TRRAP: variants seen among roughly 807,000 people sequenced by gnomAD.
TRRAP encodes the protein transformation/transcription domain associated protein, also known as transformation/transcription domain-associated protein.
A neutral mutation model predicts 438.8 loss-of-function variants in TRRAP; 41 were observed. The observed-to-expected ratio is 0.09, with a 90% CI of 0.07 to 0.12. The LOEUF (loss-of-function observed/expected upper bound fraction) is 0.12. Ranked by LOEUF, TRRAP falls within the 10% of genes least tolerant of loss-of-function variation. The pLI is 1.00. For synonymous variants in TRRAP, 1,994 were observed against 1,962.9 expected (o/e 1.02, Z -0.42); for missense variants, 3,122 against 5,055.1 (o/e 0.62, Z 11.60).
At chr7:98,946,023 C>A in intron 33 of TRRAP, 73 bp downstream of exon 33, 2 of 1,347,512 alleles carry the variant, frequency 1.5e-6, no homozygotes, top group Non-Finnish European at 1.9e-6. Flanking sequence ...TTAGCTGTGT[C>A]GTGGTTCTGT....
intron 21 of TRRAP, 127 bp downstream of exon 21, chr7:98,922,080 C>T (rs1789822553): frequency 6.8e-6 from 9 of 1,328,466 alleles, no homozygotes; most frequent in Middle Eastern, 2.3e-4. Context: ...ATCAGGTGAT[C>T]GGCCTGGTTG....
chr7:98,976,043 G>A lies in TRRAP; in HGVS notation c.7840-106G>A. On this transcript the variant is annotated intron_variant, in intron 53 of 72. Coordinates refer to ENST00000456197, the MANE Select transcript of TRRAP (RefSeq NM_001375524.1). This position sits in a 1 kb window ranked among gnomAD's most constrained non-coding sequence, Gnocchi z 4.6. ...AGATCTTTGAAACTTTGAAAGTGGA[G>A]GAGCATCGGTAATGTATGAGACAGA... The A allele has an allele frequency of 7.3e-7, 1 of 1,363,790 alleles. No homozygotes were observed. Among genetic ancestry groups the A allele is most frequent in the South Asian group, 1.5e-5 (1 of 67,332 alleles). 84.5% of individuals were successfully genotyped at this position (1,363,790 alleles called of 1,614,324 possible).
chr7:98,961,874 C>T lies in TRRAP; in HGVS notation c.6703+400C>T, dbSNP rs192794730. ...GCCAGAGGTTGCGGTGAGCCGAGAT[C>T]GTGCCATTGCAATCCAGCCTGGGCA... On this transcript the variant is annotated intron_variant, in intron 46 of 72. Transcript: ENST00000456197. Among the ~76,000 whole-genome samples, 3 of 152,266 alleles carry T rather than the reference C, an allele frequency of 2.0e-5. No homozygotes were observed. In the East Asian group the frequency reaches 5.8e-4, roughly 29 times the overall value.
rs219837 is a variant in TRRAP at position 99,005,016 on chromosome 7, G to A, written c.10536-115G>A. On this transcript the variant is annotated intron_variant, in intron 68 of 72. Coordinates refer to ENST00000456197, the MANE Select transcript of TRRAP (RefSeq NM_001375524.1). This position sits in a 1 kb window ranked among gnomAD's most constrained non-coding sequence, Gnocchi z 5.1. Reference sequence around the variant, plus strand: ...GGTACAAATAAATTGATAAACGACCGCTGGCCTACACAGTCCGTTTTCCCG... The same window carrying A: ...GGTACAAATAAATTGATAAACGACCACTGGCCTACACAGTCCGTTTTCCCG... 41,478 of 978,580 alleles carry A rather than the reference G, an allele frequency of 0.042. 8,392 individuals carry two copies. In the African/African-American group the frequency reaches 0.51, roughly 12 times the overall value. The allele number at this position is 978,580 out of a possible 1,614,324, so 60.6% of individuals were successfully genotyped here. A position where few individuals can be genotyped will look rare whatever the true frequency, so the allele number is the denominator to read the frequency against.
chr7:98,970,117 T>G lies in TRRAP; in HGVS notation c.7518T>G (p.Leu2506=), dbSNP rs766126186. Residue 2506 remains leucine, a synonymous_variant, in exon 52 of 73, where the codon CTT becomes CTG. Coordinates refer to ENST00000456197, the MANE Select transcript of TRRAP (RefSeq NM_001375524.1). ...HFWIKQCIEL[L]LAVCEKSTPI... Reference sequence around the variant, plus strand: ...CCTTTCCGCACCCCTTGCAGCTGCTTCTGGCCGTGTGTGAGAAGAGCACCC... The same window carrying G: ...CCTTTCCGCACCCCTTGCAGCTGCTGCTGGCCGTGTGTGAGAAGAGCACCC... The G allele has an allele frequency of 1.2e-6, 2 of 1,613,768 alleles. No homozygotes were observed. Among genetic ancestry groups the G allele is most frequent in the Non-Finnish European group, 1.7e-6 (2 of 1,179,944 alleles).
intron 18 of TRRAP, among the ~76,000 whole-genome samples, chr7:98,912,520 C>G (rs1554408944): frequency 1.3e-5 from 2 of 151,912 alleles, no homozygotes; most frequent in African/African-American, 4.8e-5. Flanking sequence ...CCGTGTATGT[C>G]TAAGCAGTAA....
intron 8 of TRRAP, 120 bp from the exon 9 acceptor site, chr7:98,899,302 A>G (rs1796365669): frequency 1.3e-6 from 1 of 778,024 alleles, no homozygotes; most frequent in African/African-American, 1.7e-5. Flanking sequence ...AAATATTTAC[A>G]AAGAGGTGTC....
Position 98,945,959 on chromosome 7 carries a change from T to A in TRRAP, c.4548+9T>A. ...CCATGGAAGGGGTAGAGGTGAGAAC[T>A]TGAGCGGAGCTACAGGAGGGGGTTG... On this transcript the variant is annotated intron_variant, in intron 33 of 72. Coordinates refer to ENST00000456197, the MANE Select transcript of TRRAP (RefSeq NM_001375524.1). 6.9e-7 allele frequency: 1 copy of A among 1,458,682 alleles called. No homozygotes were observed. The allele number at this position is 1,458,682 out of a possible 1,614,324, so 90.4% of individuals were successfully genotyped here.
intron 14 of TRRAP, 89 bp downstream of exon 14, chr7:98,909,051 C>CTGT: frequency 8.4e-7 from 1 of 1,187,194 alleles, no homozygotes; most frequent in Non-Finnish European, 1.2e-6. Flanking sequence ...TGAGACAGAT[C>CTGT]CTTGTTCTGT....
At chr7:98,917,257 G>A (rs149096620) in intron 19 of TRRAP, among the ~76,000 whole-genome samples, 166 bp from the exon 20 acceptor site, 245 of 152,290 alleles carry the variant, frequency 1.6e-3, no homozygotes, top group African/African-American at 5.7e-3. Flanking sequence ...GGTCATGAGT[G>A]CAATTATTGG....
chr7:98,984,927 T>C lies in TRRAP; in HGVS notation c.9289-17T>C. On this transcript the variant is annotated splice_polypyrimidine_tract_variant and intron_variant, in intron 61 of 72. Transcript: ENST00000456197. The stretch of plus-strand genomic sequence containing the variant: ...GAAATTTCAAGAACTTTTTTTCTGC[T>C]CATTTTTTTTGAACAGGGCCTTGAA... 10 of 1,559,114 alleles carry C rather than the reference T, an allele frequency of 6.4e-6. No individual in the cohort carries two copies. The highest frequency in any genetic ancestry group is 7.9e-6 in the Non-Finnish European group (9 of 1,142,022).
At chr7:98,945,835 T>TG in intron 32 of TRRAP, 35 bp downstream of exon 32, 1 of 1,588,454 alleles carries the variant, frequency 6.3e-7, no homozygotes, top group Non-Finnish European at 8.5e-7. Flanking sequence ...GTTTCTGACT[T>TG]GCAATGTGAA....
In TRRAP at chr7:98,911,104, T is replaced by G. The variant is rs149478039; in HGVS notation, c.1840T>G (p.Tyr614Asp). The G allele has an allele frequency of 6.2e-6, 10 of 1,613,964 alleles. No homozygotes were observed. The highest frequency in any genetic ancestry group is 1.3e-5 in the African/African-American group (1 of 74,926). The change falls in exon 17 of 73, where the codon TAC becomes GAC. Residue 614 changes from tyrosine to aspartate, a missense_variant. Around this residue, in one of 24 missense-constraint regions of TRRAP, gnomAD observed 149 missense variants for 302.8 expected, o/e 0.49. Transcript: ENST00000456197. Reference protein sequence around the residue: ...QVQIAGNGQTYIRVANCQTVR... With the variant: ...QVQIAGNGQTDIRVANCQTVR... ...CCAGATAGCAGGAAATGGACAGACA[T>G]ACATCCGTGTGGCCAACTGCCAGAC...
At chr7:98,989,510 G>A (rs1232539644) in intron 63 of TRRAP, among the ~76,000 whole-genome samples, 2 of 152,222 alleles carry the variant, frequency 1.3e-5, no homozygotes, top group African/African-American at 4.8e-5. Context: ...ATAAAACCCA[G>A]AATTAATTCC....
intron 6 of TRRAP, 119 bp downstream of exon 6, chr7:98,894,000 C>T (rs570813041): frequency 1.0e-5 from 9 of 868,484 alleles, no homozygotes; most frequent in Non-Finnish European, 1.6e-5. Context: ...AGAAATACAG[C>T]CTAAGTTTGG....
At position 98,927,173 on chromosome 7, in the gene TRRAP, A is replaced by G. The variant is rs781867523; in HGVS notation, c.2982A>G (p.Thr994=). 1.1e-5 allele frequency: 17 copies of G among 1,614,260 alleles called. No homozygotes were observed. Among genetic ancestry groups the G allele is most frequent in the Middle Eastern group, 1.6e-4 (1 of 6,062 alleles). ...LYQLLAHPNF[T]EKTIPNVIIS... ...ATCTGATTTTGCCTTTCAGCTTTACAGAAAAGACCATCCCCAATGTTATCA... is the reference window on the plus strand; with the variant it reads ...ATCTGATTTTGCCTTTCAGCTTTACGGAAAAGACCATCCCCAATGTTATCA... Residue 994 remains threonine, a synonymous_variant, in exon 23 of 73, where the codon ACA becomes ACG. Coordinates refer to ENST00000456197, the MANE Select transcript of TRRAP (RefSeq NM_001375524.1).
In TRRAP at chr7:98,988,892, G is replaced by C. The variant is rs773731618; in HGVS notation, c.9517G>C (p.Val3173Leu). The change falls in exon 63 of 73, where the codon GTG becomes CTG. Residue 3173 changes from valine (V) to leucine (L), a missense_variant. Coordinates refer to ENST00000456197, the MANE Select transcript of TRRAP (RefSeq NM_001375524.1). ...FVKERQLHLG[V>L]SAITCYLHAC... ...GAAGGAGCGGCAGCTGCACCTGGGCGTGTCTGCCATCACCTGCTACCTGCA... is the reference window on the plus strand; with the variant it reads ...GAAGGAGCGGCAGCTGCACCTGGGCCTGTCTGCCATCACCTGCTACCTGCA... 1.9e-6 allele frequency: 3 copies of C among 1,614,022 alleles called. No individual in the cohort carries two copies. The highest frequency in any genetic ancestry group is 1.1e-5 in the South Asian group (1 of 91,090).
chr7:98,993,509 G>A, intron 65 of TRRAP, 29 bp from the exon 66 acceptor site: 1 of 1,603,244 alleles, frequency 6.2e-7, no homozygotes, highest in Non-Finnish European at 8.5e-7. Context: ...GTTTTGCGCT[G>A]ACACTGGCGT....
chr7:98,975,334 C>T (rs923466754), intron 53 of TRRAP, among the ~76,000 whole-genome samples: 1 of 152,228 alleles, frequency 6.6e-6, no homozygotes, highest in African/African-American at 2.4e-5. Flanking sequence ...ACTCTGCCAC[C>T]GTGCCAGGGC....
Sources: gnomAD v4.1 joint callset for allele counts (sites outside exome capture counted in the v4.1 genomes callset) on GRCh38, gnomAD v4.1.1 for gene constraint, gnomAD v4.1.1 regional missense constraint, Gnocchi (gnomAD v3.1) non-coding constraint, MANE v1.5 for transcripts, NCBI Gene and HGNC (gene_info 2026-07-23, HGNC 2026-07-21) for gene names.